The following OPCML variants were observed in gnomAD, a reference collection of about 807,000 sequenced individuals.
OPCML encodes opioid binding protein/cell adhesion molecule like.
In OPCML, 13 loss-of-function variants were observed where a neutral mutation model predicts 37.8. The ratio of observed to expected loss-of-function variants is 0.34; its 90% CI spans 0.22 to 0.55. The LOEUF is 0.55. OPCML is among the 20% of genes least tolerant of loss of function. The pLI, the probability that OPCML is intolerant of heterozygous loss-of-function variation, is 0.91. For synonymous variants in OPCML, 176 were observed against 168.8 expected (o/e 1.04, Z -0.33); for missense variants, 341 against 435.6 (o/e 0.78, Z 1.93).
At chr11:133,135,812 G>A (rs976451054) in intron 1 of OPCML, among the ~76,000 whole-genome samples, 9 of 152,100 alleles carry the variant, frequency 5.9e-5, no homozygotes, top group Non-Finnish European at 1.3e-4. Context: ...CGCAAATAGC[G>A]GAACCAAAAG....
At chr11:133,408,611 A>T (rs992012299) in intron 1 of OPCML, among the ~76,000 whole-genome samples, 1 of 152,110 alleles carries the variant, frequency 6.6e-6, no homozygotes, top group African/African-American at 2.4e-5. Context: ...CCTGGACACG[A>T]CACCACCCAG....
chr11:133,217,734 A>G (rs1372852648), intron 1 of OPCML, among the ~76,000 whole-genome samples: 1 of 152,190 alleles, frequency 6.6e-6, no homozygotes, highest in Non-Finnish European at 1.5e-5. Flanking sequence ...GGCAGATTTC[A>G]TTCAATACCA....
chr11:132,738,051 T>A (rs562717465), intron 2 of OPCML, among the ~76,000 whole-genome samples: 1 of 152,262 alleles, frequency 6.6e-6, no homozygotes, highest in East Asian at 1.9e-4. Flanking sequence ...GTAGGACACC[T>A]AGATAGCTCT....
chr11:132,804,159 C>A (rs765186356), intron 2 of OPCML, among the ~76,000 whole-genome samples: 8 of 152,126 alleles, frequency 5.3e-5, no homozygotes, highest in Non-Finnish European at 1.2e-4. Flanking sequence ...AGGTTTCTAC[C>A]TGGAGACAGT....
chr11:132,700,006 A>T (rs1229983858), intron 2 of OPCML, among the ~76,000 whole-genome samples: 4 of 106,824 alleles, frequency 3.7e-5, no homozygotes, highest in Non-Finnish European at 5.9e-5. Context: ...TTAATTTCTG[A>T]TTCAATCCTT....
At chr11:133,294,676 A>G (rs145668640) in intron 1 of OPCML, among the ~76,000 whole-genome samples, 184 of 152,166 alleles carry the variant, frequency 1.2e-3, no homozygotes, top group Middle Eastern at 0.01. Context: ...CTTCATCACA[A>G]TTCTATTGAC....
chr11:133,448,424 C>T (rs1744110983), intron 1 of OPCML, among the ~76,000 whole-genome samples: 1 of 152,078 alleles, frequency 6.6e-6, no homozygotes, highest in Non-Finnish European at 1.5e-5. Context: ...CCCGGTACCA[C>T]CCTTTATTTA....
At chr11:133,185,360 G>T (rs917143664) in intron 1 of OPCML, among the ~76,000 whole-genome samples, 2 of 152,200 alleles carry the variant, frequency 1.3e-5, no homozygotes, top group Admixed American at 1.3e-4. Flanking sequence ...TAAATGTGAA[G>T]AACAGCCACT....
chr11:133,185,694 T>C (rs935346254), intron 1 of OPCML, among the ~76,000 whole-genome samples: 2 of 152,184 alleles, frequency 1.3e-5, no homozygotes, highest in African/African-American at 4.8e-5. Context: ...ATATTTTATT[T>C]GAGAACAAAA....
intron 4 of OPCML, among the ~76,000 whole-genome samples, chr11:132,495,894 C>CAAA (rs202115452): frequency 1.1e-4 from 11 of 100,088 alleles, no homozygotes; most frequent in African/African-American, 3.9e-4. Flanking sequence ...GACTCCATCT[C>CAAA]AAAAAAAAAA....
intron 3 of OPCML, among the ~76,000 whole-genome samples, chr11:132,594,110 C>T (rs76109450): frequency 5.8e-4 from 89 of 152,346 alleles, no homozygotes; most frequent in African/African-American, 1.8e-3. Flanking sequence ...TTCTGCTTCA[C>T]CATCTATAAG....
intron 2 of OPCML, among the ~76,000 whole-genome samples, chr11:132,719,809 G>T (rs1008010477): frequency 3.9e-5 from 6 of 152,198 alleles, no homozygotes; most frequent in African/African-American, 1.4e-4. Context: ...AGATAGGCAG[G>T]GGCCAGGTTC....
At chr11:133,257,706 T>C (rs142730470) in intron 1 of OPCML, among the ~76,000 whole-genome samples, 1 of 152,326 alleles carries the variant, frequency 6.6e-6, no homozygotes, top group East Asian at 1.9e-4. Flanking sequence ...GAAGGCTGTA[T>C]AGGTCCCATT....
chr11:132,939,243 A>G (rs1245270032), intron 2 of OPCML, among the ~76,000 whole-genome samples: 1 of 152,232 alleles, frequency 6.6e-6, no homozygotes, highest in African/African-American at 2.4e-5. Flanking sequence ...ACCCAGGCAA[A>G]CAACAGAACT....
intron 1 of OPCML, among the ~76,000 whole-genome samples, chr11:133,352,354 C>T (rs950651747): frequency 6.6e-6 from 1 of 152,164 alleles, no homozygotes; most frequent in African/African-American, 2.4e-5. Context: ...CCTTTTGTAC[C>T]TGACCTCTTC....
chr11:132,446,838 A>G (rs2096056633), intron 4 of OPCML, among the ~76,000 whole-genome samples: 1 of 152,164 alleles, frequency 6.6e-6, no homozygotes, highest in Non-Finnish European at 1.5e-5. Flanking sequence ...TTCATTTACA[A>G]TGTCTAAAGA....
intron 3 of OPCML, among the ~76,000 whole-genome samples, chr11:132,572,271 A>G (rs2096440509): frequency 5.3e-5 from 8 of 152,086 alleles, no homozygotes; most frequent in Admixed American, 5.2e-4. Context: ...TTAGTTGGAT[A>G]TAGCCCCCAC....
At chr11:133,159,394 T>C (rs1189909709) in intron 1 of OPCML, among the ~76,000 whole-genome samples, 14 of 152,304 alleles carry the variant, frequency 9.2e-5, no homozygotes, top group South Asian at 2.1e-4. Flanking sequence ...CAAGAAGCTA[T>C]GTGCTTCTCA....
intron 1 of OPCML, chr11:133,118,281 T>A (rs1949367036): frequency 1.0e-6 from 1 of 985,332 alleles, no homozygotes; most frequent in South Asian, 4.7e-5. Flanking sequence ...TCATATGAGC[T>A]GTAGGGAGGC....
Sources: gnomAD v4.1 joint callset for allele counts (sites outside exome capture counted in the v4.1 genomes callset) on GRCh38, gnomAD v4.1.1 for gene constraint, MANE v1.5 for transcripts, NCBI Gene and HGNC (gene_info 2026-07-23, HGNC 2026-07-21) for gene names.